LHFPL4: variants seen among roughly 807,000 people sequenced by gnomAD.
LHFPL4 encodes LHFPL tetraspan subfamily member 4.
Under a neutral mutation model 20.0 loss-of-function variants are expected in LHFPL4, and 6 were observed. The ratio of observed to expected loss-of-function variants is 0.30; its 90% confidence interval spans 0.16 to 0.59. The LOEUF (loss-of-function observed/expected upper bound fraction) is 0.59, where lower values mean the gene tolerates loss of function less well. Ranked by LOEUF, LHFPL4 falls within the 20% of genes least tolerant of loss-of-function variation. LHFPL4 has a pLI of 0.88. For missense variants in LHFPL4, 215 were observed against 331.2 expected (o/e 0.65, Z 2.72); for synonymous variants, 129 against 143.8 (o/e 0.90, Z 0.74).
At chr3:9,511,408 G>A (rs890608928) in intron 2 of LHFPL4, among the ~76,000 whole-genome samples, 16 of 151,946 alleles carry the variant, frequency 1.1e-4, no homozygotes, top group African/African-American at 3.9e-4. Flanking sequence ...ATACGAATGA[G>A]GAAACTGAGG....
At chr3:9,508,164 A>G (rs138021018) in intron 2 of LHFPL4, among the ~76,000 whole-genome samples, 1 of 152,288 alleles carries the variant, frequency 6.6e-6, no homozygotes, top group Non-Finnish European at 1.5e-5. Context: ...CACATCTACC[A>G]TGGAGGGAAT....
chr3:9,516,392 T>C (rs7614081), intron 2 of LHFPL4, among the ~76,000 whole-genome samples: 79,462 of 151,852 alleles, frequency 0.52, 21,201 homozygotes, highest in African/African-American at 0.63. Flanking sequence ...CAACTGACTG[T>C]ATTTATGTGG....
At chr3:9,504,738 T>C (rs528300591) in intron 3 of LHFPL4, among the ~76,000 whole-genome samples, 1 of 151,012 alleles carries the variant, frequency 6.6e-6, no homozygotes, top group South Asian at 2.1e-4. Context: ...GGCAGTAGAA[T>C]GGTGTGAACC....
intron 2 of LHFPL4, among the ~76,000 whole-genome samples, chr3:9,544,027 G>A (rs2046495832): frequency 6.6e-6 from 1 of 152,032 alleles, no homozygotes; most frequent in Non-Finnish European, 1.5e-5. Context: ...CCAGCCTGGG[G>A]TAATTTGTTA....
At chr3:9,521,973 T>A (rs567741882) in intron 2 of LHFPL4, among the ~76,000 whole-genome samples, 2 of 152,274 alleles carry the variant, frequency 1.3e-5, no homozygotes, top group South Asian at 4.1e-4. Context: ...TATTTTCCTG[T>A]CTTTTGTGGT....
Position 9,534,767 on chromosome 3 carries a change from G to A in LHFPL4, c.406+17507C>T, listed in dbSNP as rs560039068. 5.6e-4 allele frequency among the ~76,000 whole-genome samples: 86 copies of A among 152,248 alleles called. No individual in the cohort carries two copies. The Middle Eastern group carries it at 0.014, about 24-fold the overall frequency. ...AGCAGCAAAGAAAGGCAATGCAGAG[G>A]TCAAATGTAACTTATAGAAATCATG... On this transcript the variant is annotated intron_variant, in intron 2 of 3. Transcript: ENST00000287585.
intron 2 of LHFPL4, among the ~76,000 whole-genome samples, chr3:9,523,992 C>CT (rs893197142): frequency 2.7e-4 from 38 of 141,440 alleles, no homozygotes; most frequent in African/African-American, 8.9e-4. Flanking sequence ...TTCCCCCCCC[C>CT]CCAACACTTT....
chr3:9,535,583 A>G (rs2046439968), intron 2 of LHFPL4, among the ~76,000 whole-genome samples: 1 of 142,164 alleles, frequency 7.0e-6, no homozygotes, highest in African/African-American at 2.5e-5. Context: ...AAAAAGCAAT[A>G]AAACTCTTAG....
intron 2 of LHFPL4, among the ~76,000 whole-genome samples, chr3:9,549,600 G>A (rs2046539950): frequency 6.6e-6 from 1 of 152,206 alleles, no homozygotes; most frequent in African/African-American, 2.4e-5. Flanking sequence ...AGGAGGCTGA[G>A]GCAGGAGAAT....
intron 2 of LHFPL4, among the ~76,000 whole-genome samples, chr3:9,544,281 A>G (rs766213843): frequency 6.9e-5 from 10 of 145,768 alleles, no homozygotes; most frequent in Non-Finnish European, 1.5e-4. Context: ...GGAAATAATT[A>G]CAATAAAAAT....
chr3:9,509,074 C>G (rs2046239960), intron 2 of LHFPL4, among the ~76,000 whole-genome samples: 1 of 152,212 alleles, frequency 6.6e-6, no homozygotes, highest in Non-Finnish European at 1.5e-5. Flanking sequence ...CTGCGCAGCG[C>G]TGGCTCCTGC....
At chr3:9,541,232 G>A (rs780376242) in intron 2 of LHFPL4, among the ~76,000 whole-genome samples, 7 of 151,920 alleles carry the variant, frequency 4.6e-5, no homozygotes, top group African/African-American at 7.3e-5. Context: ...GTGAGCCACC[G>A]CACCCGGCAA....
chr3:9,505,883 C>G, intron 3 of LHFPL4, 84 bp downstream of exon 3: 1 of 1,312,394 alleles, frequency 7.6e-7, no homozygotes, highest in Non-Finnish European at 1.1e-6. Context: ...ATGCAACCCT[C>G]TTACTCCTTT....
rs1258080049 is a variant in LHFPL4, at chr3:9,540,761, C to T, written c.406+11513G>A. On this transcript the variant is annotated intron_variant, in intron 2 of 3. Transcript: ENST00000287585. The stretch of plus-strand genomic sequence containing the variant: ...TTAAAAAAAAAAAAAATTAATGAGG[C>T]ATGGTGGTGTATGCCTGTGGTCCCA... 2.6e-5 allele frequency among the ~76,000 whole-genome samples: 4 copies of T among 151,188 alleles called. No homozygotes were observed. The East Asian group carries it at 7.8e-4, about 30-fold the overall frequency.
At chr3:9,509,098 C>A (rs993934814) in intron 2 of LHFPL4, among the ~76,000 whole-genome samples, 1 of 152,228 alleles carries the variant, frequency 6.6e-6, no homozygotes, top group Non-Finnish European at 1.5e-5. Context: ...CGGTCCTCCT[C>A]CCCTCCGCAA....
chr3:9,516,437 T>A (rs948686243), intron 2 of LHFPL4, among the ~76,000 whole-genome samples: 1 of 152,002 alleles, frequency 6.6e-6, no homozygotes, highest in Non-Finnish European at 1.5e-5. Context: ...GTCCTATCAA[T>A]CAATTTGCCC....
intron 2 of LHFPL4, among the ~76,000 whole-genome samples, chr3:9,542,765 A>G (rs1286257611): frequency 1.3e-5 from 2 of 150,542 alleles, no homozygotes; most frequent in South Asian, 2.1e-4. Context: ...TATGATTGCA[A>G]CACTGTACTC....
At chr3:9,516,495 T>C (rs752079198) in intron 2 of LHFPL4, among the ~76,000 whole-genome samples, 5 of 151,828 alleles carry the variant, frequency 3.3e-5, no homozygotes, top group Non-Finnish European at 7.4e-5. Flanking sequence ...TCTTGAGACG[T>C]TGGAGTCTCA....
intron 2 of LHFPL4, among the ~76,000 whole-genome samples, chr3:9,533,933 G>A (rs1405140116): frequency 3.3e-5 from 5 of 152,126 alleles, no homozygotes; most frequent in Admixed American, 1.3e-4. Context: ...GTTGCATAGG[G>A]TCGGACACAG....
Sources: gnomAD v4.1 joint callset for allele counts (sites outside exome capture counted in the v4.1 genomes callset) on GRCh38, gnomAD v4.1.1 for gene constraint, MANE v1.5 for transcripts, NCBI Gene and HGNC (gene_info 2026-07-23, HGNC 2026-07-21) for gene names.